Variants in TMEM236 observed in about 807,000 individuals in gnomAD.
TMEM236 encodes the protein family with sequence similarity 23, member A.
Under a neutral mutation model 14.7 loss-of-function variants are expected in TMEM236, and 11 were observed. The observed-to-expected ratio is 0.75, with a 90% CI of 0.47 to 1.24. The LOEUF (loss-of-function observed/expected upper bound fraction) is 1.24. Ranked by LOEUF, TMEM236 falls within the 50% of genes most tolerant of loss-of-function variation. The pLI is 0.00. For synonymous variants in TMEM236, 182 were observed against 168.6 expected (o/e 1.08, Z -0.62); for missense variants, 464 against 427.3 (o/e 1.09, Z -0.76).
At chr10:17,786,510 C>A (rs926442915) in intron 3 of TMEM236, among the ~76,000 whole-genome samples, 1 of 152,146 alleles carries the variant, frequency 6.6e-6, no homozygotes, top group Non-Finnish European at 1.5e-5. Flanking sequence ...AAGCATGAGC[C>A]CCTGGCTCAG....
chr10:17,775,049 C>T (rs2131752354), intron 2 of TMEM236, among the ~76,000 whole-genome samples: 1 of 152,236 alleles, frequency 6.6e-6, no homozygotes, highest in East Asian at 1.9e-4. Context: ...GATCCACCTG[C>T]CTCGTCTTCC....
At chr10:17,779,481 A>G (rs71497212) in intron 3 of TMEM236, among the ~76,000 whole-genome samples, 1 of 151,974 alleles carries the variant, frequency 6.6e-6, no homozygotes, top group African/African-American at 2.4e-5. Flanking sequence ...TTAATTAATT[A>G]GTTAATTAAT....
chr10:17,759,423 C>T lies in TMEM236; in HGVS notation c.257+6871C>T, dbSNP rs1031787789. 2.0e-5 allele frequency among the ~76,000 whole-genome samples: 3 copies of T among 152,108 alleles called. No individual in the cohort carries two copies. The South Asian group carries it at 6.2e-4, about 32-fold the overall frequency. On this transcript the variant is annotated intron_variant, in intron 1 of 3. Coordinates refer to ENST00000377495, the MANE Select transcript of TMEM236 (RefSeq NM_001098844.3). ...GTACAATTAATTCAGACTATGAACA[C>T]GTCAGGAATCCTGGGCAGGGCAAGT... is the stretch of plus-strand genomic sequence containing the variant.
At chr10:17,758,352 A>G (rs1011718881) in intron 1 of TMEM236, among the ~76,000 whole-genome samples, 15 of 152,308 alleles carry the variant, frequency 9.8e-5, no homozygotes, top group Non-Finnish European at 2.1e-4. Flanking sequence ...TGGTGTCATG[A>G]GCCCTGTGAG....
chr10:17,761,292 G>T (rs1447423903), intron 1 of TMEM236, among the ~76,000 whole-genome samples: 3 of 152,094 alleles, frequency 2.0e-5, no homozygotes, highest in Admixed American at 2.0e-4. Flanking sequence ...ATTAACTAAC[G>T]TTTGGGCTCT....
chr10:17,796,180 G>T lies in TMEM236; in HGVS notation c.732G>T (p.Leu244=). The part of the protein sequence containing the change: ...RAELFLWSFL[L]WSDTIEMVRV... ...AGTTATTCTTATGGAGCTTTCTCCT[G>T]TGGTCTGACACGATAGAAATGGTGC... The change falls in exon 4 of 4, where the codon CTG becomes CTT. Residue 244 remains leucine, a synonymous_variant. Transcript: ENST00000377495. The T allele has an allele frequency of 6.2e-7, 1 of 1,613,954 alleles. No homozygotes were observed. The highest frequency in any genetic ancestry group is 8.5e-7 in the Non-Finnish European group (1 of 1,179,872).
At chr10:17,774,579 ACTGT>A (rs1247931669) in intron 2 of TMEM236, among the ~76,000 whole-genome samples, 5 of 152,150 alleles carry the variant, frequency 3.3e-5, no homozygotes, top group East Asian at 3.9e-4. Flanking sequence ...CCAACTCTAC[ACTGT>A]CTTAGTTCTT....
chr10:17,776,242 C>A, intron 3 of TMEM236, 72 bp downstream of exon 3: 1 of 1,406,228 alleles, frequency 7.1e-7, no homozygotes, highest in East Asian at 2.3e-5. Flanking sequence ...ACTGTGTTAT[C>A]TGACAACATG....
At chr10:17,780,774 G>A (rs1036063793) in intron 3 of TMEM236, among the ~76,000 whole-genome samples, 206 of 152,286 alleles carry the variant, frequency 1.4e-3, no homozygotes, top group Middle Eastern at 3.4e-3. Flanking sequence ...GTTTAGGAGC[G>A]GAGGTTTAAT....
intron 3 of TMEM236, among the ~76,000 whole-genome samples, chr10:17,788,541 A>T (rs1837873406): frequency 6.6e-6 from 1 of 151,056 alleles, no homozygotes; most frequent in Non-Finnish European, 1.5e-5. Context: ...GCTTCAGCCC[A>T]GGAGTTCAAG....
chr10:17,764,342 A>C (rs1554834201), intron 1 of TMEM236, among the ~76,000 whole-genome samples: 1 of 152,192 alleles, frequency 6.6e-6, no homozygotes, highest in African/African-American at 2.4e-5. Flanking sequence ...TGATGCACAC[A>C]GAGATCTATC....
At position 17,796,582 on chromosome 10, in the gene TMEM236, TAG is replaced by T; in HGVS notation, c.*79_*80del. On this transcript the variant is annotated 3_prime_UTR_variant, in exon 4 of 4. Coordinates refer to ENST00000377495, the MANE Select transcript of TMEM236 (RefSeq NM_001098844.3). ...TAATCCTTCTTTTTTTCTTGGGGCG[TAG>T]GTGTTTGCACTATAAAGGAAATGAC... The T allele has an allele frequency of 7.7e-7, 1 of 1,302,482 alleles. No homozygotes were observed. The highest frequency in any genetic ancestry group is 1.1e-6 in the Non-Finnish European group (1 of 903,590). 80.7% of individuals were successfully genotyped at this position (1,302,482 alleles called of 1,614,324 possible). A position where few individuals can be genotyped will look rare whatever the true frequency, so the allele number is the denominator to read the frequency against.
At chr10:17,788,501 A>C (rs1007824111) in intron 3 of TMEM236, among the ~76,000 whole-genome samples, 4 of 151,696 alleles carry the variant, frequency 2.6e-5, no homozygotes, top group Non-Finnish European at 4.4e-5. Context: ...CTGTAATCCC[A>C]GCACTTTGGG....
chr10:17,769,463 G>A (rs1837531183), intron 1 of TMEM236, among the ~76,000 whole-genome samples: 1 of 152,214 alleles, frequency 6.6e-6, no homozygotes, highest in South Asian at 2.1e-4. Flanking sequence ...GGTATTTGAA[G>A]CAATGGGAAC....
rs1838079915 is a variant in TMEM236 at position 17,800,665 on chromosome 10, C to A, written c.*4161C>A. On this transcript the variant is annotated 3_prime_UTR_variant, in exon 4 of 4. Transcript: ENST00000377495. Reference sequence around the variant, plus strand: ...TTGCCTTGTGCTGTGTACCTTGGAGCAGGGCCTTACATAGTGAATATATCA... The same window carrying A: ...TTGCCTTGTGCTGTGTACCTTGGAGAAGGGCCTTACATAGTGAATATATCA... 1 of 152,088 alleles carries A rather than the reference C, an allele frequency of 6.6e-6. No individual in the cohort carries two copies. The highest frequency in any genetic ancestry group is 1.5e-5 in the Non-Finnish European group (1 of 68,032). 9.4% of individuals were successfully genotyped at this position (152,088 alleles called of 1,614,324 possible). A position where few individuals can be genotyped will look rare whatever the true frequency, so the allele number is the denominator to read the frequency against.
intron 3 of TMEM236, among the ~76,000 whole-genome samples, chr10:17,794,675 G>C (rs978741940): frequency 0.052 from 7,885 of 152,130 alleles, 699 homozygotes; most frequent in African/African-American, 0.18. Flanking sequence ...TAGAATCTTT[G>C]CAAAAGAACA....
In TMEM236 at chr10:17,796,561, C is replaced by G; in HGVS notation, c.*57C>G. The G allele has an allele frequency of 1.4e-6, 2 of 1,453,002 alleles. No homozygotes were observed. The highest frequency in any genetic ancestry group is 1.7e-5 in the Admixed American group (1 of 58,894). The allele number at this position is 1,453,002 out of a possible 1,614,324, so 90.0% of individuals were successfully genotyped here. A position where few individuals can be genotyped will look rare whatever the true frequency, so the allele number is the denominator to read the frequency against. On this transcript the variant is annotated 3_prime_UTR_variant, in exon 4 of 4. Transcript: ENST00000377495. The stretch of plus-strand genomic sequence containing the variant: ...TGATACCTGTGTGCACATTTGTAAT[C>G]CTTCTTTTTTTCTTGGGGCGTAGGT...
At chr10:17,761,958 G>A (rs1425808711) in intron 1 of TMEM236, among the ~76,000 whole-genome samples, 1 of 152,026 alleles carries the variant, frequency 6.6e-6, no homozygotes, top group African/African-American at 2.4e-5. Flanking sequence ...TCACTATATA[G>A]CTCTCTTTCT....
intron 3 of TMEM236, among the ~76,000 whole-genome samples, chr10:17,791,918 G>A (rs1352725401): frequency 6.6e-6 from 1 of 152,144 alleles, no homozygotes; most frequent in Non-Finnish European, 1.5e-5. Flanking sequence ...TGTGCTATTT[G>A]GGATGCCATT....
Sources: gnomAD v4.1 joint callset for allele counts (sites outside exome capture counted in the v4.1 genomes callset) on GRCh38, gnomAD v4.1.1 for gene constraint, MANE v1.5 for transcripts, NCBI Gene and HGNC (gene_info 2026-07-23, HGNC 2026-07-21) for gene names.